The following CDH18 variants were observed in gnomAD, a reference collection of about 807,000 sequenced individuals.
CDH18 encodes cadherin-18.
CDH18 carries 31 observed loss-of-function variants against 67.9 expected under a neutral mutation model. The observed-to-expected ratio is 0.46, with a 90% CI of 0.34 to 0.62. The LOEUF is 0.62. CDH18 is among the 20% of genes least tolerant of loss of function. The pLI, the probability that CDH18 is intolerant of heterozygous loss-of-function variation, is 0.01. For synonymous variants in CDH18, 362 were observed against 347.2 expected (o/e 1.04, Z -0.48); for missense variants, 890 against 975.5 (o/e 0.91, Z 1.17).
chr5:19,700,997 C>T (rs1386434160), intron 5 of CDH18, among the ~76,000 whole-genome samples: 1 of 151,402 alleles, frequency 6.6e-6, no homozygotes, highest in African/African-American at 2.4e-5. Flanking sequence ...AAATAAGCAT[C>T]GATCAAGAAA....
intron 12 of CDH18, among the ~76,000 whole-genome samples, chr5:19,475,081 CT>C (rs978399674): frequency 2.0e-5 from 3 of 151,830 alleles, no homozygotes; most frequent in African/African-American, 7.3e-5. Context: ...ACATTCTTTA[CT>C]TCATAATAAT....
intron 6 of CDH18, among the ~76,000 whole-genome samples, chr5:19,594,723 G>C (rs560462993): frequency 1.2e-4 from 19 of 152,068 alleles, no homozygotes; most frequent in Admixed American, 1.0e-3. Flanking sequence ...TTTTAGAATT[G>C]TTCTTTGCTC....
intron 1 of CDH18, among the ~76,000 whole-genome samples, chr5:20,449,834 T>A (rs12658245): frequency 0.4 from 54,194 of 134,614 alleles, 10,363 homozygotes; most frequent in African/African-American, 0.5. Context: ...AAAGAAAAAA[T>A]ATATATATAT....
At chr5:19,491,452 G>A (rs1228802451) in intron 11 of CDH18, among the ~76,000 whole-genome samples, 4 of 152,102 alleles carry the variant, frequency 2.6e-5, no homozygotes, top group Non-Finnish European at 5.9e-5. Flanking sequence ...AATAAACTAC[G>A]GGAATGTTGA....
chr5:20,029,154 A>C lies in CDH18; in HGVS notation c.-517-37140T>G, dbSNP rs564200322. Among the ~76,000 whole-genome samples, 13 of 152,240 alleles carry C rather than the reference A, an allele frequency of 8.5e-5. No homozygotes were observed. The South Asian group carries it at 2.7e-3, about 32-fold the overall frequency. ...CCCAAACTTCTTATCCACAGCATTT[A>C]AACATCTCAATTGTTCCTAATAGAG... On this transcript the variant is annotated intron_variant, in intron 2 of 14. Transcript: ENST00000507958.
rs77933714 is a variant in CDH18 at position 20,088,439 on chromosome 5, T to C, written c.-517-96425A>G. Reference sequence around the variant, plus strand: ...GTTTTGCTAGCAATTTATTGGAAAATACTTCTCATTTTTGGAGAAAACTAA... The same window carrying C: ...GTTTTGCTAGCAATTTATTGGAAAACACTTCTCATTTTTGGAGAAAACTAA... On this transcript the variant is annotated intron_variant, in intron 2 of 14. Transcript: ENST00000507958. Among the ~76,000 whole-genome samples, 50 of 152,296 alleles carry C rather than the reference T, an allele frequency of 3.3e-4. 2 individuals carry two copies. In the East Asian group the frequency reaches 9.7e-3, roughly 29 times the overall value.
At chr5:20,480,421 T>C (rs1028351414) in intron 1 of CDH18, among the ~76,000 whole-genome samples, 2 of 152,052 alleles carry the variant, frequency 1.3e-5, no homozygotes, top group African/African-American at 2.4e-5. Context: ...GTCTTTTTGT[T>C]TTTGTTTTTG....
At chr5:20,097,160 T>G (rs1373629944) in intron 2 of CDH18, among the ~76,000 whole-genome samples, 1 of 152,182 alleles carries the variant, frequency 6.6e-6, no homozygotes, top group Admixed American at 6.5e-5. Context: ...TCTTTATTTT[T>G]ATGTGTAAGC....
chr5:19,739,417 C>A (rs1305851642), intron 4 of CDH18, among the ~76,000 whole-genome samples: 1 of 152,118 alleles, frequency 6.6e-6, no homozygotes, highest in Non-Finnish European at 1.5e-5. Flanking sequence ...CCAGAAAAAC[C>A]AGCTGGTAAC....
chr5:19,846,115 T>C (rs1204417223), intron 2 of CDH18, among the ~76,000 whole-genome samples: 3 of 152,072 alleles, frequency 2.0e-5, no homozygotes, highest in Admixed American at 6.6e-5. Flanking sequence ...CTTTGTGTTT[T>C]TTTAAATTTC....
At chr5:20,494,765 C>G (rs889486364) in intron 1 of CDH18, among the ~76,000 whole-genome samples, 9 of 152,074 alleles carry the variant, frequency 5.9e-5, no homozygotes, top group African/African-American at 2.2e-4. Flanking sequence ...AGCAATGCAG[C>G]CTCGAAACAT....
chr5:19,989,819 G>T (rs976491679), upstream of CDH18, among the ~76,000 whole-genome samples: 5 of 152,132 alleles, frequency 3.3e-5, no homozygotes, highest in Non-Finnish European at 7.3e-5. Flanking sequence ...GAGCAATGAG[G>T]TAGAACAGGA....
chr5:19,697,900 C>G, intron 5 of CDH18, among the ~76,000 whole-genome samples: 1 of 152,116 alleles, frequency 6.6e-6, no homozygotes, highest in East Asian at 1.9e-4. Context: ...TGAACATGGG[C>G]TTTGTCTAGG....
chr5:20,406,497 A>G (rs570532181), intron 1 of CDH18, among the ~76,000 whole-genome samples: 1,582 of 152,138 alleles, frequency 0.01, 31 homozygotes, highest in African/African-American at 0.036. Context: ...TAATGGGTGC[A>G]GCACACCAAC....
intron 1 of CDH18, among the ~76,000 whole-genome samples, chr5:20,302,262 C>A (rs1349461221): frequency 6.6e-6 from 1 of 152,112 alleles, no homozygotes; most frequent in Non-Finnish European, 1.5e-5. Flanking sequence ...AAATTTGTTC[C>A]CCTTAGTTCT....
chr5:20,397,962 A>C lies in CDH18; in HGVS notation c.-579-142457T>G, dbSNP rs550674999. On this transcript the variant is annotated intron_variant, in intron 1 of 14. Transcript: ENST00000507958. ...CATTACTTTAAAGCTCATGAATTAA[A>C]ATTTAAATTAATTTAAATTGAATAA... is the stretch of plus-strand genomic sequence containing the variant. Among the ~76,000 whole-genome samples the C allele has an allele frequency of 5.0e-4, 76 of 152,302 alleles. 1 individual carries two copies. Among genetic ancestry groups the C allele is most frequent in the African/African-American group, 1.7e-3 (70 of 41,560 alleles).
At chr5:20,281,213 T>G (rs1161782669) in intron 1 of CDH18, among the ~76,000 whole-genome samples, 7 of 152,130 alleles carry the variant, frequency 4.6e-5, no homozygotes, top group Admixed American at 6.5e-5. Flanking sequence ...TTAGTTTAAT[T>G]AGATCCCATT....
chr5:20,117,030 AGTGT>A lies in CDH18; in HGVS notation c.-517-125020_-517-125017del, dbSNP rs368558102. On this transcript the variant is annotated intron_variant, in intron 2 of 14. Transcript: ENST00000507958. ...ATAAATGTGTGTGTGTGTGTGTGTGAGTGTGTGTGTGTGTGTGTGTATTTTTAAA... is the reference window on the plus strand; with the variant it reads ...ATAAATGTGTGTGTGTGTGTGTGTGAGTGTGTGTGTGTGTGTATTTTTAAA... 1.4e-4 allele frequency among the ~76,000 whole-genome samples: 21 copies of A among 147,862 alleles called. No homozygotes were observed. The South Asian group carries it at 1.5e-3, about 11-fold the overall frequency.
At chr5:19,727,258 T>C (rs548008961) in intron 4 of CDH18, among the ~76,000 whole-genome samples, 2 of 152,320 alleles carry the variant, frequency 1.3e-5, no homozygotes, top group African/African-American at 4.8e-5. Flanking sequence ...TTAGAAATAG[T>C]ACTTTTTAAA....
Sources: allele counts gnomAD v4.1 joint callset (sites outside exome capture counted in the v4.1 genomes callset), GRCh38; gene constraint gnomAD v4.1.1; transcripts MANE v1.5; gene names NCBI Gene and HGNC (gene_info 2026-07-23, HGNC 2026-07-21).